The following SIDT1 variants were observed in gnomAD, a reference collection of about 807,000 sequenced individuals.
SIDT1 encodes SID1 transmembrane family, member 1.
SIDT1 carries 101 observed loss-of-function variants against 107.5 expected under a neutral mutation model. That is an observed-to-expected ratio of 0.94 (90% CI 0.80 to 1.11). The LOEUF (loss-of-function observed/expected upper bound fraction) is 1.11, where lower values mean the gene tolerates loss of function less well. Among genes scored for constraint, SIDT1 ranks in the 50% least tolerant of loss-of-function variants. The pLI is 0.00. For missense variants in SIDT1, 1,076 were observed against 1,058.2 expected (o/e 1.02, Z -0.23); for synonymous variants, 395 against 398.2 (o/e 0.99, Z 0.10).
chr3:113,550,668 T>C (rs961906396), intron 1 of SIDT1, among the ~76,000 whole-genome samples: 6 of 152,178 alleles, frequency 3.9e-5, no homozygotes, highest in African/African-American at 7.2e-5. Flanking sequence ...CTTTGAACCA[T>C]AGGAAAGAGG....
chr3:113,542,613 C>A (rs2107604214), intron 1 of SIDT1, among the ~76,000 whole-genome samples: 1 of 152,238 alleles, frequency 6.6e-6, no homozygotes, highest in East Asian at 1.9e-4. Context: ...TAACTGCAAT[C>A]CTTATCTATT....
At chr3:113,607,591 G>A (rs572636304) in intron 15 of SIDT1, among the ~76,000 whole-genome samples, 3 of 152,386 alleles carry the variant, frequency 2.0e-5, no homozygotes, top group Non-Finnish European at 2.9e-5. Context: ...CGTGGAAGAA[G>A]CATTGCCTGG....
chr3:113,609,016 AT>A (rs1945545297), intron 17 of SIDT1, among the ~76,000 whole-genome samples: 1 of 145,018 alleles, frequency 6.9e-6, no homozygotes, highest in East Asian at 2.1e-4. Flanking sequence ...CACAGATAAT[AT>A]CCTTTCACAT....
chr3:113,596,018 A>T (rs937690748), intron 10 of SIDT1, among the ~76,000 whole-genome samples: 13 of 152,320 alleles, frequency 8.5e-5, no homozygotes, highest in Admixed American at 7.8e-4. Flanking sequence ...AGGATACAGA[A>T]ATGTCTTTCT....
chr3:113,602,820 G>C, intron 11 of SIDT1, 185 bp from the exon 12 acceptor site: 1 of 511,722 alleles, frequency 2.0e-6, no homozygotes, highest in Admixed American at 4.0e-5. Flanking sequence ...AAAAACAGGA[G>C]AAGAGGAAAA....
At chr3:113,534,913 A>G (rs897122771) in intron 1 of SIDT1, among the ~76,000 whole-genome samples, 1 of 152,214 alleles carries the variant, frequency 6.6e-6, no homozygotes, top group African/African-American at 2.4e-5. Context: ...ACCTTGAGAT[A>G]TTGAGGGCAG....
intron 17 of SIDT1, 90 bp from the exon 18 acceptor site, chr3:113,610,918 G>A: frequency 8.2e-6 from 12 of 1,459,868 alleles, no homozygotes; most frequent in Non-Finnish European, 1.1e-5. Flanking sequence ...GAAGTGAGGG[G>A]TACTCAGAGT....
At chr3:113,552,606 C>T (rs1940387344) in intron 1 of SIDT1, among the ~76,000 whole-genome samples, 1 of 152,188 alleles carries the variant, frequency 6.6e-6, no homozygotes, top group African/African-American at 2.4e-5. Context: ...TAGCAGCAGT[C>T]ATGCCACAGG....
At chr3:113,542,894 T>C (rs929033730) in intron 1 of SIDT1, among the ~76,000 whole-genome samples, 12 of 146,152 alleles carry the variant, frequency 8.2e-5, no homozygotes, top group African/African-American at 2.6e-4. Flanking sequence ...TAATTAGTTT[T>C]TGCTTGGTTG....
At chr3:113,581,241 G>A (rs2107514616) in intron 5 of SIDT1, 120 bp from the exon 6 acceptor site, 1 of 793,454 alleles carries the variant, frequency 1.3e-6, no homozygotes, top group Admixed American at 2.0e-5. Context: ...CCTAGTTTCT[G>A]GTTAATAAGG....
intron 12 of SIDT1, 132 bp downstream of exon 12, chr3:113,603,282 A>G (rs927980611): frequency 7.7e-6 from 7 of 905,744 alleles, no homozygotes; most frequent in Middle Eastern, 4.5e-4. Context: ...GACTTAAATC[A>G]AATGTACCTA....
chr3:113,607,277 C>T (rs1576938481), intron 15 of SIDT1, among the ~76,000 whole-genome samples, 163 bp downstream of exon 15: 1 of 152,182 alleles, frequency 6.6e-6, no homozygotes, highest in South Asian at 2.1e-4. Context: ...ATGCTCCTCC[C>T]GTTCCTGTAT....
At chr3:113,630,058 C>T (rs1432295059), downstream of SIDT1, among the ~76,000 whole-genome samples, 2 of 152,172 alleles carry the variant, frequency 1.3e-5, no homozygotes, top group Non-Finnish European at 2.9e-5. Context: ...CGAGCCATTT[C>T]TGTAGGACAG....
chr3:113,613,641 A>T (rs1400922996), intron 19 of SIDT1, among the ~76,000 whole-genome samples: 2 of 152,224 alleles, frequency 1.3e-5, no homozygotes, highest in Non-Finnish European at 2.9e-5. Context: ...ATGATCCTCC[A>T]CCAGACAGAA....
At chr3:113,608,357 T>C in intron 16 of SIDT1, 62 bp from the exon 17 acceptor site, 2 of 1,532,094 alleles carry the variant, frequency 1.3e-6, no homozygotes, top group African/African-American at 1.4e-5. Context: ...TGCTTCCAGA[T>C]TAGTGACTTG....
intron 1 of SIDT1, among the ~76,000 whole-genome samples, chr3:113,534,479 C>T (rs1370581967): frequency 2.0e-5 from 3 of 152,212 alleles, no homozygotes; most frequent in Admixed American, 6.5e-5. Context: ...CAGTAACCTT[C>T]AGGTTATATG....
downstream of SIDT1, chr3:113,632,593 C>G (rs1947101336): frequency 6.6e-6 from 1 of 152,176 alleles, no homozygotes; most frequent in South Asian, 2.1e-4. Flanking sequence ...TCTCTGTTCA[C>G]TTACATAGAA....
At chr3:113,584,889 C>T (rs1943629152) in intron 8 of SIDT1, 120 bp downstream of exon 8, 2 of 768,844 alleles carry the variant, frequency 2.6e-6, no homozygotes, top group Non-Finnish European at 4.2e-6. Context: ...AGTATATTTA[C>T]CTTAGAAATA....
At chr3:113,581,665 G>GA (rs1246691047) in intron 6 of SIDT1, 7 of 490,906 alleles carry the variant, frequency 1.4e-5, no homozygotes, top group Non-Finnish European at 2.6e-5. Flanking sequence ...CTAAAGTCAG[G>GA]AGTTTGAGAC....
Sources: allele counts gnomAD v4.1 joint callset (sites outside exome capture counted in the v4.1 genomes callset), GRCh38; gene constraint gnomAD v4.1.1; transcripts MANE v1.5; gene names NCBI Gene and HGNC (gene_info 2026-07-23, HGNC 2026-07-21).